ZNF423: variants seen among roughly 807,000 people sequenced by gnomAD.
ZNF423 encodes Ebf-associated zinc finger protein.
In ZNF423, 12 loss-of-function variants were observed where a neutral mutation model predicts 95.8. That is an observed-to-expected ratio of 0.13 (90% CI 0.08 to 0.20). The LOEUF (loss-of-function observed/expected upper bound fraction) is 0.20, where lower values mean the gene tolerates loss of function less well. Ranked by LOEUF, ZNF423 falls within the 10% of genes least tolerant of loss-of-function variation. ZNF423 has a pLI of 1.00. For missense variants in ZNF423, 1,316 were observed against 1,737.1 expected, an observed-to-expected ratio of 0.76 and a Z score of 4.31; for synonymous variants, 749 against 711.9, an observed-to-expected ratio of 1.05 and a Z score of -0.83.
At chr16:49,725,484 C>T (rs1456327899) in intron 3 of ZNF423, among the ~76,000 whole-genome samples, 1 of 152,186 alleles carries the variant, frequency 6.6e-6, no homozygotes, top group Non-Finnish European at 1.5e-5. Context: ...ATTCAACAAA[C>T]ATGTTGAATT....
At chr16:49,847,391 G>A (rs1362410935) in intron 1 of ZNF423, 1 of 152,328 alleles carries the variant, frequency 6.6e-6, no homozygotes, top group East Asian at 1.9e-4. Flanking sequence ...AGGGCCACTG[G>A]GCAAGCTCGC....
intron 4 of ZNF423, among the ~76,000 whole-genome samples, chr16:49,630,200 G>A (rs561187755): frequency 6.7e-4 from 102 of 152,250 alleles, no homozygotes; most frequent in South Asian, 2.3e-3. Context: ...AAAGGAAGAC[G>A]TCTAGGCCAC....
intron 3 of ZNF423, among the ~76,000 whole-genome samples, chr16:49,646,852 G>A (rs139687289): frequency 3.9e-5 from 6 of 152,304 alleles, no homozygotes; most frequent in African/African-American, 7.2e-5. Flanking sequence ...GATCACAGGC[G>A]TGAGCCACCA....
chr16:49,599,015 C>T (rs913100569), intron 5 of ZNF423, among the ~76,000 whole-genome samples: 1 of 152,220 alleles, frequency 6.6e-6, no homozygotes, highest in African/African-American at 2.4e-5. Flanking sequence ...AGTTTCTGAA[C>T]TGTGAGTTGG....
chr16:49,761,967 G>A (rs568340178), intron 2 of ZNF423, among the ~76,000 whole-genome samples: 24 of 152,120 alleles, frequency 1.6e-4, no homozygotes, highest in African/African-American at 5.5e-4. Context: ...ACAGGAGCAT[G>A]GCCAGTTAAT....
chr16:49,779,047 G>A (rs150877779), intron 2 of ZNF423, among the ~76,000 whole-genome samples: 1 of 152,206 alleles, frequency 6.6e-6, no homozygotes, highest in African/African-American at 2.4e-5. Context: ...TCTAAACAAA[G>A]TGAACAAAAC....
chr16:49,803,933 C>CTTTT (rs535349308), intron 1 of ZNF423, among the ~76,000 whole-genome samples: 3 of 109,532 alleles, frequency 2.7e-5, no homozygotes, highest in African/African-American at 3.6e-5. Flanking sequence ...GGATGAGTTT[C>CTTTT]TTTTTTTTTT....
rs992390031 is a variant in ZNF423 at position 49,514,558 on chromosome 16, G to T, written c.3849+9066C>A. On this transcript the variant is annotated intron_variant, in intron 7 of 7. Coordinates refer to ENST00000563137, the MANE Select transcript of ZNF423 (RefSeq NM_001379286.1). ...CCTGTCTCAGAGAGCTCTCCCTCTG[G>T]CCGGGTACCAGGACCCTGCCTGGCA... Among the ~76,000 whole-genome samples, 3 of 152,292 alleles carry T rather than the reference G, an allele frequency of 2.0e-5. No individual in the cohort carries two copies. In the East Asian group the frequency reaches 5.8e-4, roughly 29 times the overall value.
chr16:49,552,449 C>A (rs770626572), intron 5 of ZNF423, among the ~76,000 whole-genome samples: 4 of 152,158 alleles, frequency 2.6e-5, no homozygotes, highest in African/African-American at 7.2e-5. Flanking sequence ...AAGGGGCCAG[C>A]GCAGCCCCTG....
At chr16:49,624,776 A>G (rs1469317048) in intron 5 of ZNF423, among the ~76,000 whole-genome samples, 1 of 152,224 alleles carries the variant, frequency 6.6e-6, no homozygotes, top group Non-Finnish European at 1.5e-5. Flanking sequence ...TTCCATTTCC[A>G]TAAACTAGAA....
At chr16:49,858,709 G>A (rs1450588028), upstream of ZNF423, among the ~76,000 whole-genome samples, 6 of 117,822 alleles carry the variant, frequency 5.1e-5, no homozygotes, top group Non-Finnish European at 1.0e-4. The surrounding 1 kb of genome is among the most constrained non-coding windows in gnomAD (Gnocchi z 4.3). Flanking sequence ...TTCCCGGAGG[G>A]AATAGGAGCC....
At chr16:49,600,712 C>T (rs953359708) in intron 5 of ZNF423, among the ~76,000 whole-genome samples, 1 of 152,174 alleles carries the variant, frequency 6.6e-6, no homozygotes, top group Non-Finnish European at 1.5e-5. Context: ...GACTGCAGCC[C>T]TCCTCTGCCC....
chr16:49,797,249 G>T (rs749842913), intron 1 of ZNF423, among the ~76,000 whole-genome samples: 5 of 152,118 alleles, frequency 3.3e-5, no homozygotes, highest in Non-Finnish European at 5.9e-5. Context: ...ACCAGGCAGG[G>T]AGGCCAAGCA....
intron 3 of ZNF423, among the ~76,000 whole-genome samples, chr16:49,670,297 C>T (rs1205267785): frequency 2.0e-5 from 3 of 152,240 alleles, no homozygotes; most frequent in Non-Finnish European, 4.4e-5. Context: ...CCTCAGACAA[C>T]CTGCCTCTGC....
chr16:49,520,443 A>G (rs996208404), intron 7 of ZNF423, among the ~76,000 whole-genome samples: 3 of 152,204 alleles, frequency 2.0e-5, no homozygotes, highest in Non-Finnish European at 2.9e-5. Flanking sequence ...AGACATGTCA[A>G]TGTTGACAGA....
At chr16:49,786,134 G>A (rs71382768) in intron 2 of ZNF423, among the ~76,000 whole-genome samples, 9,029 of 152,240 alleles carry the variant, frequency 0.059, 499 homozygotes, top group African/African-American at 0.15. Flanking sequence ...TGCGCACTCC[G>A]CTCCCCACGC....
At chr16:49,799,636 C>T (rs574592985) in intron 1 of ZNF423, among the ~76,000 whole-genome samples, 1 of 152,324 alleles carries the variant, frequency 6.6e-6, no homozygotes, top group South Asian at 2.1e-4. Flanking sequence ...GCAGAAGAAG[C>T]AGACACTAAC....
intron 3 of ZNF423, among the ~76,000 whole-genome samples, chr16:49,651,431 AC>A (rs767249230): frequency 2.6e-5 from 4 of 151,568 alleles, no homozygotes; most frequent in Non-Finnish European, 4.4e-5. Flanking sequence ...AGGGACCCCC[AC>A]CCCCCTGCAT....
chr16:49,842,337 G>C (rs1451400184), intron 1 of ZNF423, among the ~76,000 whole-genome samples: 2 of 116,202 alleles, frequency 1.7e-5, no homozygotes, highest in African/African-American at 6.7e-5. Flanking sequence ...GGAAGGGAAG[G>C]GAAGGGAAGG....
Sources: allele counts gnomAD v4.1 joint callset (sites outside exome capture counted in the v4.1 genomes callset), GRCh38; gene constraint gnomAD v4.1.1; non-coding constraint Gnocchi (gnomAD v3.1); transcripts MANE v1.5; gene names NCBI Gene and HGNC (gene_info 2026-07-23, HGNC 2026-07-21).